The following WNT4 variants were observed in gnomAD, a reference collection of about 807,000 sequenced individuals.
The protein encoded by WNT4 is Wnt family member 4, also known as protein Wnt-4.
Under a neutral mutation model 34.5 loss-of-function variants are expected in WNT4, and 16 were observed. The observed-to-expected ratio is 0.46, with a 90% confidence interval of 0.31 to 0.70. The LOEUF (loss-of-function observed/expected upper bound fraction) is 0.70, where lower values mean the gene tolerates loss of function less well. WNT4 is among the 30% of genes least tolerant of loss of function. The pLI, the probability that WNT4 is intolerant of heterozygous loss-of-function variation, is 0.04. For synonymous variants in WNT4, 200 were observed against 211.9 expected (o/e 0.94, Z 0.49); for missense variants, 379 against 495.9 (o/e 0.76, Z 2.24).
At chr1:22,125,880 A>G (rs1645936886) in intron 2 of WNT4, among the ~76,000 whole-genome samples, 1 of 152,072 alleles carries the variant, frequency 6.6e-6, no homozygotes, top group Non-Finnish European at 1.5e-5. Flanking sequence ...TTGTTGGTTT[A>G]TTTGATATTT....
chr1:22,128,927 A>C (rs1557927495), intron 2 of WNT4, among the ~76,000 whole-genome samples: 1 of 152,030 alleles, frequency 6.6e-6, no homozygotes, highest in Non-Finnish European at 1.5e-5. Context: ...TCACTGTGTT[A>C]CCCAGGATGG....
chr1:22,125,052 A>G (rs1645930247), intron 2 of WNT4, among the ~76,000 whole-genome samples: 1 of 152,196 alleles, frequency 6.6e-6, no homozygotes, highest in African/African-American at 2.4e-5. Flanking sequence ...ACAATATAGG[A>G]TCAGGGAAAG....
chr1:22,129,225 G>A (rs1409320802), intron 2 of WNT4, among the ~76,000 whole-genome samples: 1 of 152,130 alleles, frequency 6.6e-6, no homozygotes, highest in Non-Finnish European at 1.5e-5. Context: ...CCAGAGCCTC[G>A]GGTCTGAGCC....
In WNT4 at chr1:22,129,829, C is replaced by T. The variant is rs762363434; in HGVS notation, c.100G>A (p.Val34Met). Residue 34 changes from valine (V) to methionine (M), a missense_variant, in exon 2 of 5, where the codon GTG (valine) becomes ATG (methionine). By Grantham distance (21) the Val-to-Met change is conservative (BLOSUM62 1). Around this residue, in one of 2 missense-constraint regions of WNT4, gnomAD observed 66 missense variants for 50.1 expected, o/e 1.32. Transcript: ENST00000290167. ...NWLYLAKLSS[V>M]GSISEEETCE... Reference sequence around the variant, plus strand: ...GTCTCCTCCTCTGAGATGCTCCCCACCGACGACAGCTTGGCCAGGTACCTG... The same window carrying T: ...GTCTCCTCCTCTGAGATGCTCCCCATCGACGACAGCTTGGCCAGGTACCTG... 1.2e-6 allele frequency: 2 copies of T among 1,613,944 alleles called. No individual in the cohort carries two copies. The highest frequency in any genetic ancestry group is 1.7e-6 in the Non-Finnish European group (2 of 1,180,038).
At position 22,119,843 on chromosome 1, in the gene WNT4, C is replaced by T. The variant is rs1645879247; in HGVS notation, c.*207G>A. 3 of 644,046 alleles carry T rather than the reference C, an allele frequency of 4.7e-6. No homozygotes were observed. Among genetic ancestry groups the T allele is most frequent in the South Asian group, 3.9e-5 (2 of 51,440 alleles). The allele number at this position is 644,046 out of a possible 1,614,324, so 39.9% of individuals were successfully genotyped here. A position where few individuals can be genotyped will look rare whatever the true frequency, so the allele number is the denominator to read the frequency against. On this transcript the variant is annotated 3_prime_UTR_variant, in exon 5 of 5. Coordinates refer to ENST00000290167, the MANE Select transcript of WNT4 (RefSeq NM_030761.5). ...CAAGGTCCCTTTGGTCAGTGGCAGCCACAAAGGCCCAGGCTTTGGGGAGGC... is the reference window on the plus strand; with the variant it reads ...CAAGGTCCCTTTGGTCAGTGGCAGCTACAAAGGCCCAGGCTTTGGGGAGGC...
In WNT4 at chr1:22,117,326, GT is replaced by G. The variant is rs1349637455; in HGVS notation, c.*2723del. ...ACAATTGCAAGATAAAGAAATAATT[GT>G]TTTATCGTGCATCAGACTATGTCAT... On this transcript the variant is annotated 3_prime_UTR_variant, in exon 5 of 5. Coordinates refer to ENST00000290167, the MANE Select transcript of WNT4 (RefSeq NM_030761.5). 2.6e-5 allele frequency: 4 copies of G among 152,218 alleles called. No homozygotes were observed. The highest frequency in any genetic ancestry group is 9.6e-5 in the African/African-American group (4 of 41,456). 9.4% of individuals were successfully genotyped at this position (152,218 alleles called of 1,614,324 possible).
chr1:22,129,925 A>G (rs996920127), intron 1 of WNT4, 74 bp from the exon 2 acceptor site: 2 of 1,553,370 alleles, frequency 1.3e-6, no homozygotes, highest in African/African-American at 1.4e-5. Flanking sequence ...CCTGAGCTCC[A>G]GCCCGGGTCT....
intron 1 of WNT4, among the ~76,000 whole-genome samples, chr1:22,135,038 C>T (rs1026915632): frequency 1.3e-5 from 2 of 152,082 alleles, no homozygotes; most frequent in Admixed American, 6.5e-5. Context: ...TGTTTCCTGG[C>T]GACTGTCAGT....
chr1:22,127,530 C>A (rs376795656), intron 2 of WNT4: 12 of 508,598 alleles, frequency 2.4e-5, no homozygotes, highest in Non-Finnish European at 4.0e-5. Flanking sequence ...TCAAAGGGCC[C>A]GAGTCCTAGT....
chr1:22,136,634 G>T (rs1646023902), intron 1 of WNT4, among the ~76,000 whole-genome samples: 1 of 152,204 alleles, frequency 6.6e-6, no homozygotes, highest in African/African-American at 2.4e-5. Context: ...CTGCAGGGCT[G>T]CAGGGCTGCT....
rs1645878473 is a variant in WNT4 at position 22,119,758 on chromosome 1, G to A, written c.*292C>T. On this transcript the variant is annotated 3_prime_UTR_variant, in exon 5 of 5. Transcript: ENST00000290167. Reference sequence around the variant, plus strand: ...ACCTTAGGTCTGCAAGTAGAAAAACGGACACAGATAACAACTGAGTGGTCA... The same window carrying A: ...ACCTTAGGTCTGCAAGTAGAAAAACAGACACAGATAACAACTGAGTGGTCA... 1.9e-6 allele frequency: 1 copy of A among 519,554 alleles called. No individual in the cohort carries two copies. The highest frequency in any genetic ancestry group is 3.5e-6 in the Non-Finnish European group (1 of 285,934). 32.2% of individuals were successfully genotyped at this position (519,554 alleles called of 1,614,324 possible). A position where few individuals can be genotyped will look rare whatever the true frequency, so the allele number is the denominator to read the frequency against.
At position 22,120,509 on chromosome 1, in the gene WNT4, C is replaced by T. The variant is rs1645887835; in HGVS notation, c.597G>A (p.Leu199=). Residue 199 remains leucine (L), a synonymous_variant, in exon 5 of 5, where the codon CTG becomes CTA. Transcript: ENST00000290167. ...ACTTGCATTCCACCCGCATGTGTGTCAGGATGGCCTGTGGGAGAGGGTGGG... is the reference window on the plus strand; with the variant it reads ...ACTTGCATTCCACCCGCATGTGTGTTAGGATGGCCTGTGGGAGAGGGTGGG... The part of the protein sequence containing the change: ...HNNEAGRKAI[L]THMRVECKCH... The T allele has an allele frequency of 5.0e-6, 8 of 1,611,432 alleles. No homozygotes were observed. The highest frequency in any genetic ancestry group is 3.4e-6 in the Non-Finnish European group (4 of 1,179,194).
intron 1 of WNT4, among the ~76,000 whole-genome samples, chr1:22,133,450 G>A (rs558568858): frequency 5.9e-5 from 9 of 152,272 alleles, no homozygotes; most frequent in East Asian, 3.9e-4. Flanking sequence ...CCAGAGACAC[G>A]TGTGCCATCC....
chr1:22,127,547 G>T, intron 2 of WNT4: 2 of 494,124 alleles, frequency 4.0e-6, no homozygotes, highest in Admixed American at 4.3e-5. Context: ...TAGTGATGGG[G>T]GAGTGGAGTC....
At chr1:22,128,493 G>A (rs1181115710) in intron 2 of WNT4, among the ~76,000 whole-genome samples, 2 of 152,150 alleles carry the variant, frequency 1.3e-5, no homozygotes, top group Non-Finnish European at 2.9e-5. Context: ...TGGTCCCCCT[G>A]TCTTTGGCTT....
rs533724212 is a variant in WNT4, at chr1:22,124,882, TG to T, written c.314-3307del. Among the ~76,000 whole-genome samples, 329 of 151,922 alleles carry T rather than the reference TG, an allele frequency of 2.2e-3. 3 individuals are homozygous for T. The highest frequency in any genetic ancestry group is 7.6e-3 in the African/African-American group (313 of 41,376). On this transcript the variant is annotated intron_variant, in intron 2 of 4. Coordinates refer to ENST00000290167, the MANE Select transcript of WNT4 (RefSeq NM_030761.5). Reference sequence around the variant, plus strand: ...GAGGCCAGCTGGAGTCCTGGGGAGGTGGGGCAGGACAGGCACTGTCTCCCAG... The same window carrying T: ...GAGGCCAGCTGGAGTCCTGGGGAGGTGGGCAGGACAGGCACTGTCTCCCAG...
intron 2 of WNT4, among the ~76,000 whole-genome samples, chr1:22,123,618 A>G (rs1267897895): frequency 1.3e-5 from 2 of 152,202 alleles, no homozygotes; most frequent in Admixed American, 1.3e-4. Flanking sequence ...TCTTTGACAG[A>G]TGAGGAAACT....
intron 1 of WNT4, among the ~76,000 whole-genome samples, chr1:22,136,618 A>ACAGGGCTG (rs754434127): frequency 2.8e-4 from 42 of 152,276 alleles, no homozygotes; most frequent in Non-Finnish European, 5.7e-4. Context: ...GGCTGGGGGT[A>ACAGGGCTG]CAGGGCTGCA....
intron 2 of WNT4, among the ~76,000 whole-genome samples, chr1:22,122,118 T>C (rs1557923749): frequency 6.6e-6 from 1 of 152,182 alleles, no homozygotes; most frequent in Non-Finnish European, 1.5e-5. Context: ...CCCTTCCTTA[T>C]GTATGATCTT....
Sources: gnomAD v4.1 joint callset for allele counts (sites outside exome capture counted in the v4.1 genomes callset) on GRCh38, gnomAD v4.1.1 for gene constraint, gnomAD v4.1.1 regional missense constraint, MANE v1.5 for transcripts, NCBI Gene and HGNC (gene_info 2026-07-23, HGNC 2026-07-21) for gene names.